Variants in NMNAT2 observed in about 807,000 individuals in gnomAD.
NMNAT2 encodes the protein nicotinamide nucleotide adenylyltransferase 2.
A neutral mutation model predicts 41.6 loss-of-function variants in NMNAT2; 11 were observed. The observed-to-expected ratio is 0.26, with a 90% CI of 0.17 to 0.44. The LOEUF is 0.44. NMNAT2 is among the 20% of genes least tolerant of loss of function. The probability of loss-of-function intolerance (pLI) is 1.00; values close to 1 mark genes in which losing one functional copy is unlikely to be tolerated. For missense variants in NMNAT2, 288 were observed against 407.7 expected, an observed-to-expected ratio of 0.71 and a Z score of 2.53; for synonymous variants, 148 against 151.2, an observed-to-expected ratio of 0.98 and a Z score of 0.16.
chr1:183,272,626 C>T (rs1165686705), intron 8 of NMNAT2, among the ~76,000 whole-genome samples: 1 of 152,180 alleles, frequency 6.6e-6, no homozygotes, highest in Non-Finnish European at 1.5e-5. Flanking sequence ...GGATGGAGAG[C>T]TTTGGTTCAA....
chr1:183,292,951 G>A lies in NMNAT2; in HGVS notation c.175-94C>T, dbSNP rs1193406046. The stretch of plus-strand genomic sequence containing the variant: ...CAAGCCCACCCATTGTTAAAGTGCA[G>A]CCATTTTTCAGTGGTGAGAGGGAAT... On this transcript the variant is annotated intron_variant, in intron 2 of 10. Transcript: ENST00000287713. 5.9e-6 allele frequency: 7 copies of A among 1,179,866 alleles called. No homozygotes were observed. In the East Asian group the frequency reaches 9.5e-5, roughly 16 times the overall value. The allele number at this position is 1,179,866 out of a possible 1,614,324, so 73.1% of individuals were successfully genotyped here.
intron 1 of NMNAT2, among the ~76,000 whole-genome samples, chr1:183,371,844 A>T (rs1663550846): frequency 6.6e-6 from 1 of 152,056 alleles, no homozygotes; most frequent in African/African-American, 2.4e-5. Flanking sequence ...CAGTGTTGCA[A>T]TCATGGCTCA....
At chr1:183,284,382 A>G (rs1661347147) in intron 6 of NMNAT2, among the ~76,000 whole-genome samples, 1 of 152,164 alleles carries the variant, frequency 6.6e-6, no homozygotes, top group Non-Finnish European at 1.5e-5. Context: ...CTTACAACCT[A>G]GGGAGATGGC....
At chr1:183,267,808 G>A (rs1403889963) in intron 8 of NMNAT2, among the ~76,000 whole-genome samples, 4 of 152,114 alleles carry the variant, frequency 2.6e-5, no homozygotes, top group Non-Finnish European at 5.9e-5. Flanking sequence ...GGGTGGGCGA[G>A]TGGCCAATGC....
chr1:183,267,421 A>C (rs925903541), intron 8 of NMNAT2: 4 of 152,202 alleles, frequency 2.6e-5, no homozygotes, highest in African/African-American at 9.7e-5. Context: ...TCTCTTAACA[A>C]AGCTCCCTAA....
intron 1 of NMNAT2, among the ~76,000 whole-genome samples, chr1:183,296,286 G>T (rs1438053739): frequency 6.6e-6 from 1 of 152,152 alleles, no homozygotes; most frequent in Non-Finnish European, 1.5e-5. Flanking sequence ...TGACATTCAT[G>T]TGCAGGTTTT....
chr1:183,348,416 G>A (rs1662978070), intron 1 of NMNAT2, among the ~76,000 whole-genome samples: 1 of 152,128 alleles, frequency 6.6e-6, no homozygotes, highest in African/African-American at 2.4e-5. Flanking sequence ...CATCCATTGA[G>A]CTCCCCTGTA....
chr1:183,260,418 A>G (rs141136310), intron 10 of NMNAT2, among the ~76,000 whole-genome samples: 85 of 152,324 alleles, frequency 5.6e-4, no homozygotes, highest in Non-Finnish European at 5.6e-4. Context: ...ACCCTTGTCA[A>G]ATATTATTCC....
intron 8 of NMNAT2, among the ~76,000 whole-genome samples, chr1:183,267,613 TG>T (rs942882258): frequency 1.3e-5 from 2 of 150,912 alleles, no homozygotes; most frequent in African/African-American, 4.9e-5. Context: ...CCCTGGGGAG[TG>T]GGGGGGTGTA....
At chr1:183,325,738 C>G (rs1243233439) in intron 1 of NMNAT2, among the ~76,000 whole-genome samples, 1 of 152,168 alleles carries the variant, frequency 6.6e-6, no homozygotes, top group Admixed American at 6.5e-5. Flanking sequence ...GAGCCATAAC[C>G]TTTTCTCCCC....
chr1:183,264,803 C>T, intron 8 of NMNAT2, among the ~76,000 whole-genome samples: 1 of 152,076 alleles, frequency 6.6e-6, no homozygotes, highest in Non-Finnish European at 1.5e-5. Flanking sequence ...CACCTCAAGC[C>T]CCCATTGCCA....
At chr1:183,387,406 A>G (rs984647890) in intron 1 of NMNAT2, among the ~76,000 whole-genome samples, 3 of 152,210 alleles carry the variant, frequency 2.0e-5, no homozygotes, top group Admixed American at 6.5e-5. Context: ...TGGGCCATTT[A>G]CCATTGAGGT....
intron 8 of NMNAT2, among the ~76,000 whole-genome samples, chr1:183,263,602 A>G (rs565726715): frequency 7.9e-5 from 12 of 152,274 alleles, no homozygotes; most frequent in Admixed American, 7.2e-4. Flanking sequence ...GTGGATCACG[A>G]GGTCAGGAGA....
At chr1:183,335,806 A>T (rs945006503) in intron 1 of NMNAT2, among the ~76,000 whole-genome samples, 7 of 152,206 alleles carry the variant, frequency 4.6e-5, no homozygotes, top group African/African-American at 1.7e-4. Flanking sequence ...TGTCTAATAT[A>T]TCTTCTGATC....
chr1:183,400,342 A>G (rs1192730159), intron 1 of NMNAT2, among the ~76,000 whole-genome samples: 3 of 152,214 alleles, frequency 2.0e-5, no homozygotes, highest in Non-Finnish European at 4.4e-5. Context: ...AATACCTAGG[A>G]ATCCAACTTA....
At chr1:183,323,115 G>A (rs1207776898) in intron 1 of NMNAT2, among the ~76,000 whole-genome samples, 1 of 152,056 alleles carries the variant, frequency 6.6e-6, no homozygotes, top group African/African-American at 2.4e-5. Context: ...TATTCTTAAT[G>A]GAGAAGGGGT....
chr1:183,323,658 A>G (rs974554254), intron 1 of NMNAT2, among the ~76,000 whole-genome samples: 1 of 152,196 alleles, frequency 6.6e-6, no homozygotes, highest in African/African-American at 2.4e-5. Context: ...CACCAGCAAG[A>G]GATGCTCCAT....
At chr1:183,257,824 ATT>A (rs1660559577) in intron 10 of NMNAT2, among the ~76,000 whole-genome samples, 1 of 148,028 alleles carries the variant, frequency 6.8e-6, no homozygotes, top group Non-Finnish European at 1.5e-5. Context: ...CATTTTATTA[ATT>A]TTTTCTATGG....
chr1:183,334,980 G>T (rs1415531025), intron 1 of NMNAT2, among the ~76,000 whole-genome samples: 1 of 152,160 alleles, frequency 6.6e-6, no homozygotes, highest in African/African-American at 2.4e-5. Context: ...TAAGGAACTG[G>T]AGCACAACTT....
Sources: allele counts gnomAD v4.1 joint callset (sites outside exome capture counted in the v4.1 genomes callset), GRCh38; gene constraint gnomAD v4.1.1; transcripts MANE v1.5; gene names NCBI Gene and HGNC (gene_info 2026-07-23, HGNC 2026-07-21).